Variants in USP47 observed in about 807,000 individuals in gnomAD.
USP47 encodes the protein ubiquitin carboxyl-terminal hydrolase 47.
Under a neutral mutation model 165.1 loss-of-function variants are expected in USP47, and 35 were observed. That is an observed-to-expected ratio of 0.21 (90% confidence interval 0.16 to 0.28). The LOEUF (loss-of-function observed/expected upper bound fraction) is 0.28, where lower values mean the gene tolerates loss of function less well. Ranked by LOEUF, USP47 falls within the 10% of genes least tolerant of loss-of-function variation. USP47 has a pLI of 1.00. For missense variants in USP47, 1,277 were observed against 1,607.4 expected, an observed-to-expected ratio of 0.79 and a Z score of 3.52; for synonymous variants, 531 against 544.5, an observed-to-expected ratio of 0.98 and a Z score of 0.35.
chr11:11,951,687 T>C (rs1170833110), intron 24 of USP47: 2 of 152,202 alleles, frequency 1.3e-5, no homozygotes, highest in Admixed American at 1.3e-4. Context: ...TAACACCTCA[T>C]GTATTTCAGG....
chr11:11,904,791 AT>A (rs1852441750), intron 7 of USP47, among the ~76,000 whole-genome samples: 1 of 151,900 alleles, frequency 6.6e-6, no homozygotes, highest in Admixed American at 6.6e-5. Context: ...GGATTTTAAG[AT>A]TTTTTTTGAA....
chr11:11,886,199 G>T (rs1233481278), intron 3 of USP47, among the ~76,000 whole-genome samples: 1 of 152,152 alleles, frequency 6.6e-6, no homozygotes, highest in Non-Finnish European at 1.5e-5. Flanking sequence ...TTCTCCAGAT[G>T]ACCGCAGTGC....
At position 11,961,774 on chromosome 11, in the gene USP47, A is replaced by G. The variant is rs542478110; in HGVS notation, c.*5599A>G. On this transcript the variant is annotated 3_prime_UTR_variant, in exon 28 of 28. Transcript: ENST00000527733. ...CCAGCCCTAGCTGCTGGAGGGACTG[A>G]GAACAGCTGTTGAGCAGTTTACCTG... is the stretch of plus-strand genomic sequence containing the variant. 1.2e-4 allele frequency among the ~76,000 whole-genome samples: 18 copies of G among 152,346 alleles called. No homozygotes were observed. The highest frequency in any genetic ancestry group is 4.3e-4 in the African/African-American group (18 of 41,594).
At chr11:11,906,329 A>G (rs765384586) in intron 8 of USP47, among the ~76,000 whole-genome samples, 16 of 152,298 alleles carry the variant, frequency 1.1e-4, no homozygotes, top group Non-Finnish European at 2.1e-4. Context: ...ATATCTTTAA[A>G]CAATAGAATT....
At chr11:11,901,246 G>T (rs4243945) in intron 5 of USP47, among the ~76,000 whole-genome samples, 5 of 151,756 alleles carry the variant, frequency 3.3e-5, no homozygotes, top group Non-Finnish European at 5.9e-5. Flanking sequence ...CAAAAGAAAA[G>T]AAAAAGTCTT....
At chr11:11,916,795 A>G (rs576582880) in intron 8 of USP47, among the ~76,000 whole-genome samples, 1 of 152,290 alleles carries the variant, frequency 6.6e-6, no homozygotes, top group East Asian at 1.9e-4. Flanking sequence ...GGGAAATGTC[A>G]AGTCTACCTT....
chr11:11,934,883 G>GA (rs1180098474), intron 16 of USP47, among the ~76,000 whole-genome samples: 1 of 151,950 alleles, frequency 6.6e-6, no homozygotes, highest in Admixed American at 6.6e-5. Context: ...ATTACCTAGA[G>GA]AAAAAATTGC....
At chr11:11,938,504 C>A (rs1855235709) in intron 18 of USP47, 132 bp downstream of exon 18, 1 of 667,674 alleles carries the variant, frequency 1.5e-6, no homozygotes, top group South Asian at 2.1e-5. Context: ...TAGGAGACAA[C>A]TGTAGTTAAA....
At position 11,942,715 on chromosome 11, in the gene USP47, A is replaced by G. The variant is rs1183071699; in HGVS notation, c.2694A>G (p.Ser898=). The part of the protein sequence containing the change: ...IESPLNERDS[S]ASVDNRELEQ... ...CACCTCTCAATGAGAGGGACTCTTC[A>G]GCATCAGTGGATAATAGAGAACTTG... Residue 898 remains serine (S), a synonymous_variant, in exon 20 of 28, where the codon TCA becomes TCG. Coordinates refer to ENST00000527733, the MANE Select transcript of USP47 (RefSeq NM_001282659.2). 1.2e-6 allele frequency: 2 copies of G among 1,613,598 alleles called. No individual in the cohort carries two copies.
At chr11:11,866,307 G>A (rs150938747) in intron 1 of USP47, among the ~76,000 whole-genome samples, 15 of 152,296 alleles carry the variant, frequency 9.8e-5, no homozygotes, top group African/African-American at 2.2e-4. Context: ...TAACAAAGGG[G>A]TGGTGGTCAG....
At chr11:11,904,120 G>A (rs535125553) in intron 7 of USP47, among the ~76,000 whole-genome samples, 5 of 152,250 alleles carry the variant, frequency 3.3e-5, no homozygotes, top group Non-Finnish European at 5.9e-5. Context: ...CATCACATAA[G>A]AGTAAGTATT....
At chr11:11,880,573 C>T (rs563542997) in intron 2 of USP47, among the ~76,000 whole-genome samples, 193 bp downstream of exon 2, 32 of 152,150 alleles carry the variant, frequency 2.1e-4, no homozygotes, top group Non-Finnish European at 3.5e-4. Flanking sequence ...AACATTTGCT[C>T]GTCCTAAAGT....
intron 1 of USP47, chr11:11,856,581 AG>A (rs2134168696): frequency 6.6e-6 from 1 of 152,644 alleles, no homozygotes; most frequent in African/African-American, 2.4e-5. Context: ...TAGGCTAACC[AG>A]GTAGGCCTCA....
At chr11:11,923,016 A>G in intron 11 of USP47, 125 bp downstream of exon 11, 1 of 470,950 alleles carries the variant, frequency 2.1e-6, no homozygotes, top group Non-Finnish European at 3.3e-6. Flanking sequence ...GAAAGTTAAG[A>G]CTTCTCAAAT....
chr11:11,918,902 A>T (rs1206061798), intron 8 of USP47, among the ~76,000 whole-genome samples: 2 of 151,904 alleles, frequency 1.3e-5, no homozygotes. Flanking sequence ...AATTTCTTTA[A>T]AGCTTGTTTT....
chr11:11,929,919 C>A, intron 12 of USP47, 125 bp from the exon 13 acceptor site: 1 of 773,130 alleles, frequency 1.3e-6, no homozygotes, highest in Non-Finnish European at 2.1e-6. Flanking sequence ...GAATTGGTAG[C>A]TGTGTGAGCA....
intron 8 of USP47, 129 bp from the exon 9 acceptor site, chr11:11,920,027 T>C: frequency 1.7e-6 from 1 of 589,128 alleles, no homozygotes; most frequent in African/African-American, 1.9e-5. Flanking sequence ...TTTTCCTTGG[T>C]ACATTTTGAG....
intron 5 of USP47, among the ~76,000 whole-genome samples, chr11:11,900,149 C>A (rs867877587): frequency 7.9e-5 from 11 of 139,362 alleles, no homozygotes; most frequent in African/African-American, 2.9e-4. Context: ...TGTTTATTTT[C>A]TTCACTTTTT....
intron 3 of USP47, among the ~76,000 whole-genome samples, chr11:11,884,922 C>T (rs529258227): frequency 6.6e-6 from 1 of 152,238 alleles, no homozygotes; most frequent in Admixed American, 6.5e-5. Flanking sequence ...TTTGTTTAAG[C>T]ATTTGCTTGG....
Sources: gnomAD v4.1 joint callset for allele counts (sites outside exome capture counted in the v4.1 genomes callset) on GRCh38, gnomAD v4.1.1 for gene constraint, MANE v1.5 for transcripts, NCBI Gene and HGNC (gene_info 2026-07-23, HGNC 2026-07-21) for gene names.